Variants in MATR3 observed in about 807,000 individuals in gnomAD.
The protein encoded by MATR3 is matrin-3.
MATR3 carries 4 observed loss-of-function variants against 85.5 expected under a neutral mutation model. That is an observed-to-expected ratio of 0.05 (90% CI 0.02 to 0.11). The LOEUF (loss-of-function observed/expected upper bound fraction) is 0.11. Ranked by LOEUF, MATR3 falls within the 10% of genes least tolerant of loss-of-function variation. The pLI, the probability that MATR3 is intolerant of heterozygous loss-of-function variation, is 1.00. For missense variants in MATR3, 685 were observed against 1,016.1 expected, an observed-to-expected ratio of 0.67 and a Z score of 4.43; for synonymous variants, 336 against 343.1, an observed-to-expected ratio of 0.98 and a Z score of 0.23.
chr5:139,303,142 C>A lies in MATR3; in HGVS notation c.-177-4097C>A, dbSNP rs1167560028. On this transcript the variant is annotated intron_variant, in intron 1 of 14. Transcript: ENST00000394805. ...TTTTGAGACGATGTTTGCTCTGTGG[C>A]CCAGGCTGGAGTGCAGTGCCCCAAT... Among the ~76,000 whole-genome samples the A allele has an allele frequency of 2.6e-5, 4 of 151,818 alleles. No homozygotes were observed. The East Asian group carries it at 7.7e-4, about 29-fold the overall frequency.
At chr5:139,278,784 A>G (rs1187655433) in intron 2 of MATR3, 1 of 505,558 alleles carries the variant, frequency 2.0e-6, no homozygotes, top group Non-Finnish European at 4.0e-6. Flanking sequence ...GGAATCATCC[A>G]GCGGTTGTCA....
rs1427567353 is a variant in MATR3 at position 139,322,745 on chromosome 5, C to G, written c.1926C>G (p.Asp642Glu). 2.5e-6 allele frequency: 4 copies of G among 1,614,106 alleles called. No individual in the cohort carries two copies. The highest frequency in any genetic ancestry group is 3.4e-6 in the Non-Finnish European group (4 of 1,180,026). ...GEDGEKDTKDDQTEQEPNMLL... is the reference protein window; with the variant it reads ...GEDGEKDTKDEQTEQEPNMLL... Reference sequence around the variant, plus strand: ...ATGGTGAGAAAGACACAAAGGATGACCAGACAGAGCAGGAACCTAATATGC... The same window carrying G: ...ATGGTGAGAAAGACACAAAGGATGAGCAGACAGAGCAGGAACCTAATATGC... The change falls in exon 12 of 15, where the codon GAC (aspartate) becomes GAG (glutamate). Residue 642 changes from aspartate to glutamate, a missense_variant. By Grantham distance (45) the Asp-to-Glu change is conservative (BLOSUM62 2). Coordinates refer to ENST00000394805, the MANE Select transcript of MATR3 (RefSeq NM_018834.6).
intron 2 of MATR3, chr5:139,310,651 A>G (rs1053201267): frequency 1.3e-5 from 2 of 152,206 alleles, no homozygotes; most frequent in African/African-American, 2.4e-5. Flanking sequence ...TACATGATCA[A>G]AAATTCTTAC....
chr5:139,293,734 G>A (rs1027635182), upstream of MATR3: 4 of 369,724 alleles, frequency 1.1e-5, no homozygotes, highest in Middle Eastern at 6.8e-4. Context: ...TGCTGCGGGG[G>A]ATTGTGGGAG....
At chr5:139,327,003 A>G (rs946491290) in intron 14 of MATR3, among the ~76,000 whole-genome samples, 1 of 152,218 alleles carries the variant, frequency 6.6e-6, no homozygotes, top group Admixed American at 6.5e-5. Flanking sequence ...GACCAAAAGT[A>G]TATAAAGATC....
chr5:139,298,160 T>C (rs1754256145), intron 1 of MATR3, among the ~76,000 whole-genome samples: 2 of 152,234 alleles, frequency 1.3e-5, no homozygotes, highest in Admixed American at 6.5e-5. Flanking sequence ...GTGAGGATTA[T>C]TAGGATATTA....
At chr5:139,329,241 T>A in intron 14 of MATR3, 104 bp from the exon 15 acceptor site, 1 of 817,384 alleles carries the variant, frequency 1.2e-6, no homozygotes, top group South Asian at 1.4e-5. Flanking sequence ...AAAATTATAG[T>A]TTAAGTCCCT....
intron 9 of MATR3, 126 bp from the exon 10 acceptor site, chr5:139,321,772 G>A (rs920545768): frequency 9.5e-6 from 9 of 943,292 alleles, no homozygotes; most frequent in Middle Eastern, 3.4e-4. Context: ...GACACAGTGA[G>A]ACCCTGTCTC....
intron 9 of MATR3, among the ~76,000 whole-genome samples, chr5:139,320,138 C>G (rs1380781276): frequency 2.0e-5 from 3 of 151,766 alleles, no homozygotes; most frequent in African/African-American, 4.8e-5. Flanking sequence ...GAAACCCCCT[C>G]TCTCCTAAAA....
chr5:139,286,604 G>C (rs550009342), intron 3 of MATR3, among the ~76,000 whole-genome samples: 8 of 151,890 alleles, frequency 5.3e-5, no homozygotes, highest in African/African-American at 1.9e-4. Context: ...CAGCACTTTG[G>C]GAGGCTGAGG....
At chr5:139,321,429 C>G (rs1004739730) in intron 9 of MATR3, among the ~76,000 whole-genome samples, 4 of 146,204 alleles carry the variant, frequency 2.7e-5, no homozygotes, top group Non-Finnish European at 6.0e-5. Context: ...GTTGGGATTA[C>G]AGGTGTGAGC....
At chr5:139,294,054 C>G (rs1034122452) in intron 1 of MATR3, 5 of 1,270,364 alleles carry the variant, frequency 3.9e-6, no homozygotes, top group South Asian at 2.6e-5. Context: ...GGGAAACACG[C>G]GGCCGGCCAA....
At chr5:139,311,669 C>T (rs1460451326) in intron 2 of MATR3, 1 of 143,862 alleles carries the variant, frequency 7.0e-6, no homozygotes, top group Non-Finnish European at 1.5e-5. Context: ...TCTCCCACAA[C>T]TTAAGAATAT....
At chr5:139,302,294 A>G (rs1288148919) in intron 1 of MATR3, among the ~76,000 whole-genome samples, 1 of 152,172 alleles carries the variant, frequency 6.6e-6, no homozygotes, top group African/African-American at 2.4e-5. Flanking sequence ...CTCAAGGTAC[A>G]TGCCATACTG....
chr5:139,318,228 T>C (rs1755354060), intron 7 of MATR3, among the ~76,000 whole-genome samples: 1 of 151,764 alleles, frequency 6.6e-6, no homozygotes, highest in African/African-American at 2.4e-5. Flanking sequence ...TCGCCTCCTG[T>C]GTTCAAGCGA....
chr5:139,303,275 T>C (rs1317195886), intron 1 of MATR3, among the ~76,000 whole-genome samples: 1 of 152,158 alleles, frequency 6.6e-6, no homozygotes, highest in Non-Finnish European at 1.5e-5. Context: ...CTAATTTTTA[T>C]ATTTTTAGTA....
intron 3 of MATR3, 68 bp downstream of exon 3, chr5:139,314,804 G>A (rs1755161709): frequency 1.4e-6 from 2 of 1,421,318 alleles, no homozygotes; most frequent in Non-Finnish European, 2.0e-6. Context: ...TGGTTTTTGG[G>A]AGTTCATCAT....
intron 12 of MATR3, among the ~76,000 whole-genome samples, chr5:139,324,619 A>G (rs1182671752): frequency 1.3e-5 from 2 of 152,112 alleles, no homozygotes; most frequent in East Asian, 3.9e-4. Flanking sequence ...TAGCCATTAC[A>G]CTGTTTGAGT....
At chr5:139,303,816 C>A (rs193105994) in intron 1 of MATR3, among the ~76,000 whole-genome samples, 1 of 151,944 alleles carries the variant, frequency 6.6e-6, no homozygotes, top group Non-Finnish European at 1.5e-5. Flanking sequence ...AGTTAGCTTG[C>A]GCTTATTTTA....
Sources: allele counts gnomAD v4.1 joint callset (sites outside exome capture counted in the v4.1 genomes callset), GRCh38; gene constraint gnomAD v4.1.1; transcripts MANE v1.5; gene names NCBI Gene and HGNC (gene_info 2026-07-23, HGNC 2026-07-21).